Variants in LRRTM4 observed in about 807,000 individuals in gnomAD.
LRRTM4 encodes the protein leucine rich repeat transmembrane neuronal 4.
Under a neutral mutation model 47.6 loss-of-function variants are expected in LRRTM4, and 25 were observed. The ratio of observed to expected loss-of-function variants is 0.53; its 90% CI spans 0.38 to 0.73. LRRTM4 has a LOEUF of 0.73. Among genes scored for constraint, LRRTM4 ranks in the 30% least tolerant of loss-of-function variants. The probability of loss-of-function intolerance (pLI) is 0.00; values close to 1 mark genes in which losing one functional copy is unlikely to be tolerated. For missense variants in LRRTM4, 638 were observed against 713.4 expected (o/e 0.89, Z 1.20); for synonymous variants, 311 against 269.5 (o/e 1.15, Z -1.51).
intron 3 of LRRTM4, among the ~76,000 whole-genome samples, chr2:76,936,576 AAAGTAT>A (rs1674956185): frequency 6.9e-6 from 1 of 145,536 alleles, no homozygotes; most frequent in Non-Finnish European, 1.5e-5. Context: ...CTCAGAAATT[AAAGTAT>A]AATAAAAAAA....
intron 3 of LRRTM4, among the ~76,000 whole-genome samples, chr2:77,041,049 C>G (rs1679014429): frequency 6.6e-6 from 1 of 151,218 alleles, no homozygotes; most frequent in African/African-American, 2.4e-5. Flanking sequence ...TACCTTTGTA[C>G]TCATCAACCA....
At chr2:76,846,798 A>G (rs543071993) in intron 3 of LRRTM4, among the ~76,000 whole-genome samples, 2 of 152,288 alleles carry the variant, frequency 1.3e-5, no homozygotes, top group South Asian at 2.1e-4. Flanking sequence ...TAGGAATGGC[A>G]AGGGTGGGTT....
intron 3 of LRRTM4, among the ~76,000 whole-genome samples, chr2:77,011,080 G>C (rs150180723): frequency 6.6e-6 from 1 of 152,032 alleles, no homozygotes; most frequent in Admixed American, 6.6e-5. Flanking sequence ...GCCGTATCTA[G>C]AAAGAATATA....
intron 3 of LRRTM4, among the ~76,000 whole-genome samples, chr2:76,943,327 T>G (rs949059054): frequency 2.0e-5 from 3 of 152,154 alleles, no homozygotes; most frequent in Admixed American, 2.0e-4. Flanking sequence ...TCCCAGCTAC[T>G]CCTGAGGCTG....
chr2:77,517,184 AT>A, intron 3 of LRRTM4: 1 of 985,098 alleles, frequency 1.0e-6, no homozygotes, highest in African/African-American at 1.7e-5. Flanking sequence ...ATTTGTGACT[AT>A]TTGTCTGCTC....
chr2:77,132,625 C>A (rs1308748352), intron 3 of LRRTM4, among the ~76,000 whole-genome samples: 6 of 152,146 alleles, frequency 3.9e-5, no homozygotes, highest in African/African-American at 1.4e-4. Context: ...AGAGGGGACA[C>A]GTGCTGTGTC....
intron 3 of LRRTM4, among the ~76,000 whole-genome samples, chr2:77,381,771 T>G (rs1398239272): frequency 6.6e-6 from 1 of 152,052 alleles, no homozygotes; most frequent in Non-Finnish European, 1.5e-5. Context: ...CACTTCTAGA[T>G]ATTTATTCTA....
chr2:77,077,478 T>C (rs568702982), intron 3 of LRRTM4, among the ~76,000 whole-genome samples: 1 of 152,274 alleles, frequency 6.6e-6, no homozygotes, highest in East Asian at 1.9e-4. Context: ...TGGGAAATTT[T>C]GGTATGAATA....
At chr2:77,236,876 G>C (rs1184573338) in intron 3 of LRRTM4, among the ~76,000 whole-genome samples, 4 of 152,060 alleles carry the variant, frequency 2.6e-5, no homozygotes, top group Non-Finnish European at 5.9e-5. Context: ...AAGTCTACTA[G>C]ATCATGGTGA....
chr2:77,058,188 A>G (rs1269769444), intron 3 of LRRTM4, among the ~76,000 whole-genome samples: 2 of 152,194 alleles, frequency 1.3e-5, no homozygotes, highest in East Asian at 3.9e-4. Context: ...GAGGTTGCTC[A>G]TATTTGATGT....
chr2:77,372,662 T>C (rs1186832543), intron 3 of LRRTM4, among the ~76,000 whole-genome samples: 1 of 151,728 alleles, frequency 6.6e-6, no homozygotes, highest in Non-Finnish European at 1.5e-5. Flanking sequence ...TTAATGGTGT[T>C]TTCTTCACTC....
intron 3 of LRRTM4, among the ~76,000 whole-genome samples, chr2:77,340,549 T>C (rs998385289): frequency 6.6e-6 from 1 of 151,962 alleles, no homozygotes; most frequent in Non-Finnish European, 1.5e-5. Context: ...AACTCATAAA[T>C]GGATTGTTGA....
At chr2:77,233,786 G>GTTGT (rs938276987) in intron 3 of LRRTM4, among the ~76,000 whole-genome samples, 1 of 127,396 alleles carries the variant, frequency 7.8e-6, no homozygotes, top group African/African-American at 2.7e-5. Flanking sequence ...TGTTGTTGTT[G>GTTGT]TTGTTTGTTT....
chr2:76,820,321 C>T (rs1476136300), intron 3 of LRRTM4, among the ~76,000 whole-genome samples: 1 of 151,730 alleles, frequency 6.6e-6, no homozygotes, highest in South Asian at 2.1e-4. Flanking sequence ...CATTCCGTCC[C>T]TAGGCTTTCT....
chr2:77,133,988 C>A (rs1671868140), intron 3 of LRRTM4, among the ~76,000 whole-genome samples: 2 of 152,022 alleles, frequency 1.3e-5, no homozygotes, highest in South Asian at 4.1e-4. Context: ...AATGTAGGTA[C>A]ACTCTTCCTT....
At chr2:77,464,162 A>C (rs1676890728) in intron 3 of LRRTM4, among the ~76,000 whole-genome samples, 1 of 152,040 alleles carries the variant, frequency 6.6e-6, no homozygotes, top group Non-Finnish European at 1.5e-5. Flanking sequence ...AGAACCTAGG[A>C]AGGGAAGAGA....
At chr2:77,480,818 GTGTGGAGAGAGA>G (rs1289194507) in intron 3 of LRRTM4, among the ~76,000 whole-genome samples, 8 of 115,012 alleles carry the variant, frequency 7.0e-5, no homozygotes, top group South Asian at 7.0e-4. Context: ...GTGTGTGTGT[GTGTGGAGAGAGA>G]GAGAGAGAGA....
intron 3 of LRRTM4, among the ~76,000 whole-genome samples, chr2:76,967,374 A>T (rs1378461016): frequency 1.3e-5 from 2 of 151,508 alleles, no homozygotes; most frequent in African/African-American, 4.8e-5. Context: ...AGTTCCACTC[A>T]CCAATCTATC....
At chr2:77,159,692 G>A (rs1393973365) in intron 3 of LRRTM4, among the ~76,000 whole-genome samples, 1 of 152,046 alleles carries the variant, frequency 6.6e-6, no homozygotes, top group African/African-American at 2.4e-5. Context: ...CTCAGGGTGG[G>A]CAGAGGGGGA....
Sources: gnomAD v4.1 joint callset for allele counts (sites outside exome capture counted in the v4.1 genomes callset) on GRCh38, gnomAD v4.1.1 for gene constraint, MANE v1.5 for transcripts, NCBI Gene and HGNC (gene_info 2026-07-23, HGNC 2026-07-21) for gene names.